Variants in TSHZ2 observed in about 807,000 individuals in gnomAD.
TSHZ2 encodes teashirt homolog 2.
A neutral mutation model predicts 74.4 loss-of-function variants in TSHZ2; 21 were observed. That is an observed-to-expected ratio of 0.28 (90% CI 0.20 to 0.41). The LOEUF is 0.41. Among genes scored for constraint, TSHZ2 ranks in the 10% least tolerant of loss-of-function variants. The pLI is 1.00. For synonymous variants in TSHZ2, 540 were observed against 515.3 expected (o/e 1.05, Z -0.65); for missense variants, 1,244 against 1,293.5 (o/e 0.96, Z 0.59).
At chr20:53,144,692 T>A (rs376051364) in intron 1 of TSHZ2, among the ~76,000 whole-genome samples, 1 of 152,122 alleles carries the variant, frequency 6.6e-6, no homozygotes. Flanking sequence ...GAGTTGAGAT[T>A]TGAACCCACA....
chr20:53,056,080 T>C (rs1447086075), intron 1 of TSHZ2, among the ~76,000 whole-genome samples: 1 of 152,264 alleles, frequency 6.6e-6, no homozygotes, highest in Admixed American at 6.5e-5. Flanking sequence ...TGAATTCTAC[T>C]CTTAGAATCT....
At chr20:53,363,152 G>A (rs1227298924) in intron 2 of TSHZ2, among the ~76,000 whole-genome samples, 3 of 152,252 alleles carry the variant, frequency 2.0e-5, no homozygotes, top group African/African-American at 7.2e-5. Context: ...CAGTGGGAAT[G>A]AGCCTCTGCT....
At chr20:53,058,034 C>T (rs993188914) in intron 1 of TSHZ2, among the ~76,000 whole-genome samples, 3 of 152,066 alleles carry the variant, frequency 2.0e-5, no homozygotes, top group African/African-American at 7.2e-5. Context: ...GAAACTGTTC[C>T]ACCTCAGATC....
chr20:53,041,642 C>T (rs76803931), intron 1 of TSHZ2, among the ~76,000 whole-genome samples: 3,205 of 152,292 alleles, frequency 0.021, 96 homozygotes, highest in South Asian at 0.14. Flanking sequence ...AGTTAATCCT[C>T]GGAGAACCCT....
At chr20:53,032,131 A>T (rs1360988585) in intron 1 of TSHZ2, among the ~76,000 whole-genome samples, 1 of 152,178 alleles carries the variant, frequency 6.6e-6, no homozygotes, top group Non-Finnish European at 1.5e-5. Flanking sequence ...GCATCTTACC[A>T]CAAATTGCTC....
In TSHZ2 at chr20:52,998,463, T is replaced by C. The variant is rs186974042; in HGVS notation, c.40+25130T>C. 2.2e-4 allele frequency among the ~76,000 whole-genome samples: 34 copies of C among 152,332 alleles called. 1 individual carries two copies. In the East Asian group the frequency reaches 2.9e-3, roughly 13 times the overall value. On this transcript the variant is annotated intron_variant, in intron 1 of 2. Coordinates refer to ENST00000371497, the MANE Select transcript of TSHZ2 (RefSeq NM_173485.6). The stretch of plus-strand genomic sequence containing the variant: ...GATTACAGGTATGAGCCACTGCACC[T>C]GGCCAAAGCTCTGCCCTCTTCTTGG...
intron 2 of TSHZ2, among the ~76,000 whole-genome samples, chr20:53,343,572 C>T (rs1481793891): frequency 1.3e-5 from 2 of 152,350 alleles, no homozygotes; most frequent in Admixed American, 6.5e-5. Context: ...AGGTGAGGCT[C>T]ATTAGAGCCA....
At chr20:53,231,207 G>A (rs6022347) in intron 1 of TSHZ2, among the ~76,000 whole-genome samples, 1 of 152,040 alleles carries the variant, frequency 6.6e-6, no homozygotes, top group Non-Finnish European at 1.5e-5. Flanking sequence ...GGAATAAACA[G>A]TTGAGAGGAT....
At chr20:53,476,187 C>A (rs1167390112) in intron 2 of TSHZ2, among the ~76,000 whole-genome samples, 6 of 146,504 alleles carry the variant, frequency 4.1e-5, no homozygotes, top group South Asian at 2.2e-4. Flanking sequence ...GATACCAAAG[C>A]CAGGCAGAGA....
chr20:53,291,401 C>T (rs369932533), intron 2 of TSHZ2, among the ~76,000 whole-genome samples: 45 of 142,894 alleles, frequency 3.1e-4, no homozygotes, highest in Non-Finnish European at 5.1e-4. Context: ...TGAACCTGGG[C>T]GGTGGAGGCT....
chr20:53,362,463 C>A (rs1370820715), intron 2 of TSHZ2, among the ~76,000 whole-genome samples: 1 of 152,110 alleles, frequency 6.6e-6, no homozygotes, highest in Admixed American at 6.5e-5. Flanking sequence ...GAATTACAGG[C>A]CTGAGCCACC....
chr20:53,237,504 A>AGT (rs59294548), intron 1 of TSHZ2, among the ~76,000 whole-genome samples: 19,729 of 149,628 alleles, frequency 0.13, 1,592 homozygotes, highest in African/African-American at 0.23. Flanking sequence ...TCTCTGTGTG[A>AGT]GTGTGTGTGT....
intron 2 of TSHZ2, among the ~76,000 whole-genome samples, chr20:53,269,803 A>AAAG (rs1990795999): frequency 6.6e-6 from 1 of 151,956 alleles, no homozygotes; most frequent in African/African-American, 2.4e-5. Flanking sequence ...ATAATAAAAA[A>AAAG]AAAAGAAAAG....
chr20:53,374,108 G>A (rs148685944), intron 2 of TSHZ2, among the ~76,000 whole-genome samples: 44 of 152,188 alleles, frequency 2.9e-4, no homozygotes, highest in African/African-American at 8.7e-4. Context: ...AATAAACGTC[G>A]TATCCAATAG....
intron 1 of TSHZ2, among the ~76,000 whole-genome samples, chr20:53,059,487 CA>C (rs1260098788): frequency 1.3e-5 from 2 of 152,050 alleles, no homozygotes; most frequent in African/African-American, 2.4e-5. Flanking sequence ...AGATGATTTA[CA>C]AAAATGAAAA....
At chr20:53,082,291 T>G (rs529530164) in intron 1 of TSHZ2, among the ~76,000 whole-genome samples, 7 of 152,356 alleles carry the variant, frequency 4.6e-5, no homozygotes, top group East Asian at 1.9e-4. Flanking sequence ...TAAATTTTTC[T>G]CATTTGTGAG....
At chr20:53,324,488 C>T (rs1025502719) in intron 2 of TSHZ2, among the ~76,000 whole-genome samples, 3 of 152,150 alleles carry the variant, frequency 2.0e-5, no homozygotes, top group African/African-American at 7.2e-5. Flanking sequence ...AGCAATCCTC[C>T]CAACTCAGCC....
At position 53,149,039 on chromosome 20, in the gene TSHZ2, C is replaced by T. The variant is rs544871011; in HGVS notation, c.41-104460C>T. 1.1e-3 allele frequency among the ~76,000 whole-genome samples: 173 copies of T among 152,292 alleles called. 1 individual carries two copies. The highest frequency in any genetic ancestry group is 3.8e-3 in the African/African-American group (158 of 41,568). ...GTGGCTTACTTGATGCCAGTTTCTC[C>T]GTAGATAAATATTTCTGTGTTTTGA... On this transcript the variant is annotated intron_variant, in intron 1 of 2. Coordinates refer to ENST00000371497, the MANE Select transcript of TSHZ2 (RefSeq NM_173485.6).
intron 2 of TSHZ2, among the ~76,000 whole-genome samples, chr20:53,418,358 T>C (rs964848546): frequency 2.6e-5 from 4 of 152,158 alleles, no homozygotes; most frequent in African/African-American, 9.7e-5. Context: ...AGCCTGAGGA[T>C]GTCATAGGCG....
Sources: gnomAD v4.1 joint callset for allele counts (sites outside exome capture counted in the v4.1 genomes callset) on GRCh38, gnomAD v4.1.1 for gene constraint, MANE v1.5 for transcripts, NCBI Gene and HGNC (gene_info 2026-07-23, HGNC 2026-07-21) for gene names.